CHAF1A: variants seen among roughly 807,000 people sequenced by gnomAD.
CHAF1A encodes the protein chromatin assembly factor 1 subunit A, also known as CAF-1 subunit A.
CHAF1A carries 5 observed loss-of-function variants against 93.2 expected under a neutral mutation model. The observed-to-expected ratio is 0.05, with a 90% CI of 0.03 to 0.11. The LOEUF (loss-of-function observed/expected upper bound fraction) is 0.11, where lower values mean the gene tolerates loss of function less well. Among genes scored for constraint, CHAF1A ranks in the 10% least tolerant of loss-of-function variants. The pLI is 1.00. For synonymous variants in CHAF1A, 504 were observed against 510.3 expected (o/e 0.99, Z 0.17); for missense variants, 1,102 against 1,259.9 (o/e 0.87, Z 1.90).
chr19:4,434,766 G>A (rs539367042), intron 13 of CHAF1A, among the ~76,000 whole-genome samples: 1 of 152,014 alleles, frequency 6.6e-6, no homozygotes, highest in South Asian at 2.1e-4. Context: ...AGCACTTACT[G>A]TGCTCCAGGC....
intron 13 of CHAF1A, among the ~76,000 whole-genome samples, chr19:4,440,066 C>T (rs1311362103): frequency 6.6e-6 from 1 of 152,266 alleles, no homozygotes; most frequent in African/African-American, 2.4e-5. Flanking sequence ...TCTTACATGA[C>T]AGCCCATGAA....
chr19:4,404,309 T>C (rs1439888764), intron 1 of CHAF1A, among the ~76,000 whole-genome samples: 1 of 152,178 alleles, frequency 6.6e-6, no homozygotes, highest in African/African-American at 2.4e-5. Context: ...GAGTGTCCCG[T>C]TTTATATACA....
At position 4,439,615 on chromosome 19, in the gene CHAF1A, G is replaced by C. The variant is rs1301210856; in HGVS notation, c.2674-2630G>C. ...AGGGAGGGCCCAGTGACTTGAGGTG[G>C]CTCTGAAGAAATTGGCATGTTCTTT... On this transcript the variant is annotated intron_variant, in intron 13 of 14. Transcript: ENST00000301280. 2.6e-5 allele frequency among the ~76,000 whole-genome samples: 4 copies of C among 152,280 alleles called. No homozygotes were observed. In the South Asian group the frequency reaches 8.3e-4, roughly 32 times the overall value.
At chr19:4,446,165 C>T (rs377116965), downstream of CHAF1A, 4 of 1,608,066 alleles carry the variant, frequency 2.5e-6, no homozygotes, top group Non-Finnish European at 3.4e-6. Context: ...AACCCGTACA[C>T]CGCCCCCAGC....
chr19:4,426,419 C>T (rs539695827), intron 7 of CHAF1A, among the ~76,000 whole-genome samples: 12 of 152,074 alleles, frequency 7.9e-5, no homozygotes, highest in African/African-American at 2.4e-4. Flanking sequence ...CCGCCCGCCT[C>T]GGCCTCCCAA....
At chr19:4,408,840 C>T (rs1599637497) in intron 2 of CHAF1A, 63 bp from the exon 3 acceptor site, 1 of 1,528,024 alleles carries the variant, frequency 6.5e-7, no homozygotes, top group East Asian at 2.3e-5. Context: ...CAGTAATTTT[C>T]AAGCTCATGA....
intron 8 of CHAF1A, chr19:4,429,164 T>C: frequency 1.7e-6 from 1 of 590,340 alleles, no homozygotes; most frequent in Non-Finnish European, 3.0e-6. Context: ...CACCTCGCTC[T>C]TGCAAATCTC....
At chr19:4,426,185 T>C (rs1599652319) in intron 7 of CHAF1A, among the ~76,000 whole-genome samples, 3 of 109,694 alleles carry the variant, frequency 2.7e-5, no homozygotes, top group African/African-American at 1.1e-4. Flanking sequence ...TTTTTTTTTT[T>C]GAGACACAGT....
downstream of CHAF1A, chr19:4,446,566 T>C (rs376724268): frequency 6.2e-7 from 1 of 1,612,420 alleles, no homozygotes. Context: ...CAGTTCGAAC[T>C]GCGAGGCCAG....
chr19:4,437,746 T>TTTTAC (rs1453826781), intron 13 of CHAF1A, among the ~76,000 whole-genome samples: 3 of 151,006 alleles, frequency 2.0e-5, no homozygotes, highest in East Asian at 3.9e-4. Flanking sequence ...TTTTATTTTA[T>TTTTAC]TTTATTTTAT....
At chr19:4,449,298 G>A (rs1462326678), downstream of CHAF1A, 1 of 152,824 alleles carries the variant, frequency 6.5e-6, no homozygotes, top group Non-Finnish European at 1.5e-5. Flanking sequence ...CATGTGTCAG[G>A]ATTCGGGCCA....
At chr19:4,409,941 G>T (rs1335093620) in intron 3 of CHAF1A, among the ~76,000 whole-genome samples, 182 bp downstream of exon 3, 1 of 152,206 alleles carries the variant, frequency 6.6e-6, no homozygotes, top group Admixed American at 6.5e-5. Flanking sequence ...TGCATTCGTT[G>T]TGATGCCCCT....
At position 4,422,288 on chromosome 19, in the gene CHAF1A, A is replaced by C. The variant is rs1284247516; in HGVS notation, c.1018-278A>C. ...CTCGGCCTCCCAAAGTGCTGGGATT[A>C]CAGGCGTGAACCACCGCGCGCAGCC... is the stretch of plus-strand genomic sequence containing the variant. On this transcript the variant is annotated intron_variant, in intron 4 of 14. Transcript: ENST00000301280. This position sits in a 1 kb window ranked among gnomAD's most constrained non-coding sequence, Gnocchi z 4.6. Among the ~76,000 whole-genome samples the C allele has an allele frequency of 6.6e-6, 1 of 151,746 alleles. No homozygotes were observed. Among genetic ancestry groups the C allele is most frequent in the Non-Finnish European group, 1.5e-5 (1 of 68,002 alleles).
intron 13 of CHAF1A, among the ~76,000 whole-genome samples, chr19:4,438,454 C>T (rs1469589074): frequency 6.6e-6 from 1 of 151,702 alleles, no homozygotes; most frequent in Non-Finnish European, 1.5e-5. Context: ...CTGCCTCGGC[C>T]TCCCAAAGTA....
chr19:4,447,393 C>T, downstream of CHAF1A: 1 of 738,648 alleles, frequency 1.4e-6, no homozygotes, highest in Non-Finnish European at 2.3e-6. Context: ...CCATCTTGTC[C>T]TGCTACCTTC....
chr19:4,446,754 A>G (rs1240574028), downstream of CHAF1A: 5 of 1,611,404 alleles, frequency 3.1e-6, no homozygotes, highest in South Asian at 3.3e-5. Context: ...TCACTGTGCA[A>G]TGGAGAGACC....
chr19:4,436,634 G>T (rs1974288439), intron 13 of CHAF1A, among the ~76,000 whole-genome samples: 1 of 152,158 alleles, frequency 6.6e-6, no homozygotes, highest in South Asian at 2.1e-4. Flanking sequence ...CAGGGCCTTT[G>T]CTGATCAGCC....
intron 7 of CHAF1A, among the ~76,000 whole-genome samples, chr19:4,424,698 G>A (rs1484166109): frequency 2.0e-5 from 3 of 152,046 alleles, no homozygotes; most frequent in East Asian, 3.9e-4. Context: ...ACAGTGGTGC[G>A]ATCTCAGCTC....
downstream of CHAF1A, chr19:4,448,319 T>C (rs1974582063): frequency 6.2e-7 from 1 of 1,604,720 alleles, no homozygotes; most frequent in Non-Finnish European, 8.5e-7. Flanking sequence ...CACGCTCACT[T>C]GGCAATGGTG....
Sources: gnomAD v4.1 joint callset for allele counts (sites outside exome capture counted in the v4.1 genomes callset) on GRCh38, gnomAD v4.1.1 for gene constraint, Gnocchi (gnomAD v3.1) non-coding constraint, MANE v1.5 for transcripts, NCBI Gene and HGNC (gene_info 2026-07-23, HGNC 2026-07-21) for gene names.